ACSL3: variants seen among roughly 807,000 people sequenced by gnomAD.
ACSL3 encodes the protein fatty acid CoA ligase Acsl3.
ACSL3 carries 34 observed loss-of-function variants against 84.7 expected under a neutral mutation model. The ratio of observed to expected loss-of-function variants is 0.40; its 90% CI spans 0.31 to 0.53. The LOEUF is 0.53. Among genes scored for constraint, ACSL3 ranks in the 20% least tolerant of loss-of-function variants. The pLI is 0.48. For synonymous variants in ACSL3, 315 were observed against 299.4 expected, an observed-to-expected ratio of 1.05 and a Z score of -0.54; for missense variants, 680 against 873.1, an observed-to-expected ratio of 0.78 and a Z score of 2.79.
At chr2:222,878,378 G>A (rs984244121) in intron 1 of ACSL3, among the ~76,000 whole-genome samples, 6 of 152,194 alleles carry the variant, frequency 3.9e-5, no homozygotes, top group African/African-American at 1.4e-4. Context: ...GCAGGAAAGC[G>A]ATGGATTGTT....
rs999762427 is a variant in ACSL3 at position 222,942,845 on chromosome 2, T to G, written c.*1191T>G. ...CTTTATAACCGCGTGAGTTAAGATT[T>G]AATTCATAGGTTTTGATGTCATTGT... On this transcript the variant is annotated 3_prime_UTR_variant, in exon 17 of 17. Transcript: ENST00000357430. 3 of 221,774 alleles carry G rather than the reference T, an allele frequency of 1.4e-5. No homozygotes were observed. The highest frequency in any genetic ancestry group is 2.7e-5 in the Non-Finnish European group (3 of 111,012). The allele number at this position is 221,774 out of a possible 1,614,324, so 13.7% of individuals were successfully genotyped here. A position where few individuals can be genotyped will look rare whatever the true frequency, so the allele number is the denominator to read the frequency against.
chr2:222,905,245 G>T (rs1024506328), intron 3 of ACSL3, among the ~76,000 whole-genome samples: 1 of 152,046 alleles, frequency 6.6e-6, no homozygotes, highest in Non-Finnish European at 1.5e-5. Context: ...TTGCAGCCTC[G>T]ATCTCCCTAG....
intron 2 of ACSL3, among the ~76,000 whole-genome samples, chr2:222,889,758 G>A (rs1695801121): frequency 6.6e-6 from 1 of 152,168 alleles, no homozygotes; most frequent in Admixed American, 6.5e-5. Context: ...AGCTACTTAA[G>A]GTGGATTCCT....
In ACSL3 at chr2:222,941,754, T is replaced by C; in HGVS notation, c.*100T>C. ...GCTGCAAGGCAAACTCCATTCCTCATATTAAACTATTACTTCTCATGACGT... is the reference window on the plus strand; with the variant it reads ...GCTGCAAGGCAAACTCCATTCCTCACATTAAACTATTACTTCTCATGACGT... On this transcript the variant is annotated 3_prime_UTR_variant, in exon 17 of 17. Transcript: ENST00000357430. 1 of 1,281,608 alleles carries C rather than the reference T, an allele frequency of 7.8e-7. No individual in the cohort carries two copies. Among genetic ancestry groups the C allele is most frequent in the Non-Finnish European group, 1.1e-6 (1 of 943,632 alleles). The allele number at this position is 1,281,608 out of a possible 1,614,324, so 79.4% of individuals were successfully genotyped here.
chr2:222,867,378 C>T (rs1574512274), intron 1 of ACSL3, among the ~76,000 whole-genome samples: 1 of 152,216 alleles, frequency 6.6e-6, no homozygotes, highest in African/African-American at 2.4e-5. Flanking sequence ...CCAAATCTTA[C>T]AGCTAACCAC....
intron 1 of ACSL3, among the ~76,000 whole-genome samples, chr2:222,886,461 A>T (rs561615080): frequency 2.8e-4 from 43 of 152,286 alleles, no homozygotes; most frequent in African/African-American, 1.0e-3. Flanking sequence ...TTAATAACAA[A>T]TTAAAAGTTA....
intron 1 of ACSL3, among the ~76,000 whole-genome samples, chr2:222,863,761 G>T (rs1695069609): frequency 6.6e-6 from 1 of 152,056 alleles, no homozygotes; most frequent in Non-Finnish European, 1.5e-5. Context: ...GGCTGGATTG[G>T]GAAATATAGA....
At chr2:222,922,389 G>C (rs1696763201) in intron 8 of ACSL3, among the ~76,000 whole-genome samples, 1 of 152,096 alleles carries the variant, frequency 6.6e-6, no homozygotes, top group Non-Finnish European at 1.5e-5. Flanking sequence ...ACTGTTTCTT[G>C]TGCCTCAGTA....
intron 16 of ACSL3, among the ~76,000 whole-genome samples, chr2:222,939,532 G>C (rs916153122): frequency 6.6e-6 from 1 of 152,120 alleles, no homozygotes; most frequent in African/African-American, 2.4e-5. Context: ...CTGGTGCCCT[G>C]TTCCTGTTAT....
At chr2:222,918,972 C>A in intron 6 of ACSL3, 92 bp from the exon 7 acceptor site, 1 of 1,461,408 alleles carries the variant, frequency 6.8e-7, no homozygotes, top group South Asian at 1.4e-5. Context: ...CAAGAAATTA[C>A]TTAATGATTC....
chr2:222,919,393 TTAATTA>T lies in ACSL3; in HGVS notation c.805+193_805+198del, dbSNP rs1270880600. On this transcript the variant is annotated intron_variant, in intron 7 of 16. Transcript: ENST00000357430. Reference sequence around the variant, plus strand: ...AAAGTTTTAAGGAAAAATATAAACATTAATTATTAATGTTTTAAAGGTAGTATTTAT... The same window carrying T: ...AAAGTTTTAAGGAAAAATATAAACATTTAATGTTTTAAAGGTAGTATTTAT... The T allele has an allele frequency of 7.1e-5, 32 of 449,350 alleles. No homozygotes were observed. In the East Asian group the frequency reaches 1.1e-3, roughly 15 times the overall value. The allele number at this position is 449,350 out of a possible 1,614,324, so 27.8% of individuals were successfully genotyped here.
At chr2:222,910,225 C>T (rs1202729637) in intron 4 of ACSL3, among the ~76,000 whole-genome samples, 2 of 152,076 alleles carry the variant, frequency 1.3e-5, no homozygotes, top group South Asian at 2.1e-4. Flanking sequence ...ATAGAAATGG[C>T]GTGAGAATGC....
intron 2 of ACSL3, among the ~76,000 whole-genome samples, chr2:222,894,014 A>G (rs1695909518): frequency 6.6e-6 from 1 of 152,144 alleles, no homozygotes; most frequent in Admixed American, 6.5e-5. Context: ...TCATATGAGC[A>G]TTTGTAGCAA....
intron 1 of ACSL3, among the ~76,000 whole-genome samples, chr2:222,866,335 T>C (rs868208521): frequency 9.2e-5 from 14 of 152,176 alleles, no homozygotes; most frequent in Middle Eastern, 3.4e-3. Context: ...TCGGTAGAGA[T>C]GGGGTTTCAC....
rs1221973650 is a variant in ACSL3, at chr2:222,918,132, G to C, written c.643G>C (p.Glu215Gln). Residue 215 changes from glutamate to glutamine, a missense_variant, in exon 6 of 17, where the codon GAA becomes CAA. Coordinates refer to ENST00000357430, the MANE Select transcript of ACSL3 (RefSeq NM_004457.5). The stretch of plus-strand genomic sequence containing the variant: ...GGTGACCAACATCATTACTAGTAAA[G>C]AACTCTTACAAACAAAGTTGAAGGT... ...TEVTNIITSKELLQTKLKDIV... is the reference protein window; with the variant it reads ...TEVTNIITSKQLLQTKLKDIV... 6.2e-7 allele frequency: 1 copy of C among 1,610,496 alleles called. No homozygotes were observed. Among genetic ancestry groups the C allele is most frequent in the Non-Finnish European group, 8.5e-7 (1 of 1,177,788 alleles).
Position 222,923,914 on chromosome 2 carries a change from A to G in ACSL3, c.1153-542A>G, listed in dbSNP as rs148452185. 5.1e-3 allele frequency among the ~76,000 whole-genome samples: 783 copies of G among 152,344 alleles called. 9 individuals are homozygous for G. The highest frequency in any genetic ancestry group is 0.018 in the African/African-American group (745 of 41,578). ...TTTAAGTCATTAAAGTATACTTCAC[A>G]GTAATGGACCTAGCAAGCAAAATGC... On this transcript the variant is annotated intron_variant, in intron 10 of 16. Coordinates refer to ENST00000357430, the MANE Select transcript of ACSL3 (RefSeq NM_004457.5).
chr2:222,877,856 G>C (rs977698505), intron 1 of ACSL3, among the ~76,000 whole-genome samples: 1 of 152,202 alleles, frequency 6.6e-6, no homozygotes. Flanking sequence ...CATGATGCCA[G>C]AGTACAGGCA....
chr2:222,907,601 A>C (rs1020405298), intron 3 of ACSL3, among the ~76,000 whole-genome samples: 1 of 152,056 alleles, frequency 6.6e-6, no homozygotes, highest in African/African-American at 2.4e-5. Context: ...TCTCTACAAA[A>C]AAAATTTTGA....
chr2:222,872,840 T>C (rs945076649), intron 1 of ACSL3, among the ~76,000 whole-genome samples: 1 of 150,090 alleles, frequency 6.7e-6, no homozygotes, highest in Non-Finnish European at 1.5e-5. Flanking sequence ...CTTGAAGCAA[T>C]GTGGGGTGGG....
Sources: gnomAD v4.1 joint callset for allele counts (sites outside exome capture counted in the v4.1 genomes callset) on GRCh38, gnomAD v4.1.1 for gene constraint, MANE v1.5 for transcripts, NCBI Gene and HGNC (gene_info 2026-07-23, HGNC 2026-07-21) for gene names.